The following ANKS1B variants were observed in gnomAD, a reference collection of about 807,000 sequenced individuals.
The protein encoded by ANKS1B is ankyrin repeat and sterile alpha motif domain containing 1B, also known as ankyrin repeat and sterile alpha motif domain-containing protein 1B.
In ANKS1B, 36 loss-of-function variants were observed where a neutral mutation model predicts 148.3. The observed-to-expected ratio is 0.24, with a 90% CI of 0.19 to 0.32. The LOEUF (loss-of-function observed/expected upper bound fraction) is 0.32, where lower values mean the gene tolerates loss of function less well. Ranked by LOEUF, ANKS1B falls within the 10% of genes least tolerant of loss-of-function variation. The probability of loss-of-function intolerance (pLI) is 1.00; values close to 1 mark genes in which losing one functional copy is unlikely to be tolerated. For synonymous variants in ANKS1B, 542 were observed against 560.8 expected (o/e 0.97, Z 0.47); for missense variants, 1,157 against 1,542.6 (o/e 0.75, Z 4.19).
At chr12:99,573,286 A>G (rs1228433132) in intron 9 of ANKS1B, among the ~76,000 whole-genome samples, 1 of 152,086 alleles carries the variant, frequency 6.6e-6, no homozygotes, top group Non-Finnish European at 1.5e-5. Flanking sequence ...AGTAGATTCT[A>G]CTAGGTTATA....
At chr12:99,829,627 G>T (rs1482540158) in intron 1 of ANKS1B, among the ~76,000 whole-genome samples, 1 of 152,006 alleles carries the variant, frequency 6.6e-6, no homozygotes, top group African/African-American at 2.4e-5. Flanking sequence ...CTCCAGACTG[G>T]GCGAGAGCGA....
At chr12:99,614,693 T>C (rs184773861) in intron 9 of ANKS1B, among the ~76,000 whole-genome samples, 79 of 152,196 alleles carry the variant, frequency 5.2e-4, no homozygotes, top group African/African-American at 1.9e-3. Flanking sequence ...TGATCTCTAC[T>C]GTTGGATCTC....
intron 1 of ANKS1B, among the ~76,000 whole-genome samples, chr12:99,839,387 T>C (rs1424031484): frequency 1.3e-5 from 2 of 152,128 alleles, no homozygotes; most frequent in African/African-American, 4.8e-5. Flanking sequence ...GCAAGGTACT[T>C]CACTTCATTA....
chr12:99,128,196 A>G (rs916649420), intron 15 of ANKS1B, among the ~76,000 whole-genome samples: 1 of 152,184 alleles, frequency 6.6e-6, no homozygotes, highest in African/African-American at 2.4e-5. Context: ...TAAGTGCGGC[A>G]CATACTTTCT....
At chr12:98,761,170 T>C (rs148963379) in intron 25 of ANKS1B, among the ~76,000 whole-genome samples, 2 of 152,342 alleles carry the variant, frequency 1.3e-5, no homozygotes, top group African/African-American at 2.4e-5. Flanking sequence ...CAGTGTTTCA[T>C]GCCACTGGGC....
chr12:98,897,290 C>A (rs1367947578), intron 17 of ANKS1B, among the ~76,000 whole-genome samples: 2 of 151,882 alleles, frequency 1.3e-5, no homozygotes, highest in Non-Finnish European at 2.9e-5. Flanking sequence ...AGTAAACAGA[C>A]AACCTTCAGA....
chr12:99,709,998 C>T (rs966577768), intron 8 of ANKS1B, among the ~76,000 whole-genome samples: 4 of 152,068 alleles, frequency 2.6e-5, no homozygotes, highest in Non-Finnish European at 5.9e-5. Context: ...TAGCCTTATA[C>T]CTTTAAATGA....
intron 9 of ANKS1B, among the ~76,000 whole-genome samples, chr12:99,536,247 T>C (rs1056406348): frequency 5.3e-5 from 8 of 152,284 alleles, no homozygotes; most frequent in African/African-American, 1.9e-4. Flanking sequence ...GATGTGTCAA[T>C]GTAGGTTCAT....
chr12:99,281,919 T>C (rs1226826240), intron 12 of ANKS1B, among the ~76,000 whole-genome samples: 7 of 152,234 alleles, frequency 4.6e-5, no homozygotes, highest in African/African-American at 7.2e-5. Context: ...TATGATTCAG[T>C]CTAATACATA....
chr12:99,812,355 C>A (rs1284672247), intron 2 of ANKS1B, 44 bp from the exon 3 acceptor site: 2 of 1,581,686 alleles, frequency 1.3e-6, no homozygotes, highest in Admixed American at 3.5e-5. Context: ...CTGAGCAAGA[C>A]AAACTGTATT....
chr12:99,785,029 G>C (rs189397226), intron 4 of ANKS1B, among the ~76,000 whole-genome samples: 1 of 152,094 alleles, frequency 6.6e-6, no homozygotes, highest in Non-Finnish European at 1.5e-5. Flanking sequence ...TGAAAATATA[G>C]ATGTTTAGGA....
chr12:98,970,004 T>C (rs2099881832), intron 17 of ANKS1B, among the ~76,000 whole-genome samples: 1 of 152,218 alleles, frequency 6.6e-6, no homozygotes. Context: ...CATTTCCTCC[T>C]TTGTTCAATC....
intron 17 of ANKS1B, among the ~76,000 whole-genome samples, chr12:98,905,952 A>T (rs1198736537): frequency 6.9e-6 from 1 of 145,378 alleles, no homozygotes; most frequent in East Asian, 2.1e-4. Flanking sequence ...CACTCAATCC[A>T]CGAGATCTAT....
intron 9 of ANKS1B, among the ~76,000 whole-genome samples, chr12:99,507,245 A>G (rs1038172717): frequency 2.6e-5 from 4 of 151,984 alleles, no homozygotes; most frequent in African/African-American, 4.8e-5. Context: ...TCCTAGTTCC[A>G]TCCTGAAATT....
intron 22 of ANKS1B, among the ~76,000 whole-genome samples, chr12:98,783,265 C>A (rs950350198): frequency 1.3e-5 from 2 of 152,230 alleles, no homozygotes; most frequent in African/African-American, 4.8e-5. Context: ...TCAGGGATGG[C>A]AGACAGACCT....
intron 1 of ANKS1B, among the ~76,000 whole-genome samples, chr12:99,844,340 C>G (rs993100599): frequency 5.3e-5 from 8 of 152,096 alleles, no homozygotes; most frequent in Non-Finnish European, 8.8e-5. Flanking sequence ...ATGATATTGC[C>G]TAGGTTTTCT....
intron 17 of ANKS1B, among the ~76,000 whole-genome samples, chr12:98,929,065 C>CAG (rs200318692): frequency 2.0e-5 from 3 of 147,622 alleles, no homozygotes; most frequent in African/African-American, 7.6e-5. Context: ...CACACACACA[C>CAG]ACACACAAGT....
chr12:99,329,897 T>C (rs969768261), intron 12 of ANKS1B, among the ~76,000 whole-genome samples: 4 of 151,886 alleles, frequency 2.6e-5, no homozygotes, highest in African/African-American at 9.7e-5. Context: ...TTACATCATA[T>C]GATGTATTAA....
At chr12:99,032,280 T>C (rs1228906167) in intron 17 of ANKS1B, among the ~76,000 whole-genome samples, 1 of 152,224 alleles carries the variant, frequency 6.6e-6, no homozygotes, top group Non-Finnish European at 1.5e-5. Flanking sequence ...AAGGTTGTTG[T>C]ATAAATTACC....
Sources: gnomAD v4.1 joint callset for allele counts (sites outside exome capture counted in the v4.1 genomes callset) on GRCh38, gnomAD v4.1.1 for gene constraint, MANE v1.5 for transcripts, NCBI Gene and HGNC (gene_info 2026-07-23, HGNC 2026-07-21) for gene names.